Variants in PRKAG2 observed in about 807,000 individuals in gnomAD.
PRKAG2 encodes protein kinase AMP-activated non-catalytic subunit gamma 2.
In PRKAG2, 26 loss-of-function variants were observed where a neutral mutation model predicts 69.6. The ratio of observed to expected loss-of-function variants is 0.37; its 90% CI spans 0.27 to 0.52. PRKAG2 has a LOEUF of 0.52. Among genes scored for constraint, PRKAG2 ranks in the 20% least tolerant of loss-of-function variants. PRKAG2 has a pLI of 0.90. For synonymous variants in PRKAG2, 293 were observed against 285.0 expected (o/e 1.03, Z -0.28); for missense variants, 557 against 740.0 (o/e 0.75, Z 2.87).
intron 1 of PRKAG2, among the ~76,000 whole-genome samples, chr7:151,787,242 A>G (rs1407575396): frequency 6.6e-6 from 1 of 152,130 alleles, no homozygotes; most frequent in African/African-American, 2.4e-5. Context: ...TGCCATCTCA[A>G]CCATTTTAAG....
At chr7:151,804,791 T>C (rs1258168856) in intron 1 of PRKAG2, among the ~76,000 whole-genome samples, 1 of 152,158 alleles carries the variant, frequency 6.6e-6, no homozygotes, top group Non-Finnish European at 1.5e-5. Context: ...GAACTGCTTC[T>C]CAAACTGCAC....
At chr7:151,804,933 G>A (rs986908924) in intron 1 of PRKAG2, among the ~76,000 whole-genome samples, 3 of 152,296 alleles carry the variant, frequency 2.0e-5, no homozygotes, top group East Asian at 1.9e-4. Flanking sequence ...GAAGTTCCTC[G>A]CCGTGGCTCA....
chr7:151,873,725 C>A (rs1165739107), intron 1 of PRKAG2, among the ~76,000 whole-genome samples: 8 of 152,220 alleles, frequency 5.3e-5, no homozygotes, highest in Non-Finnish European at 1.2e-4. Flanking sequence ...AGGACCCCAA[C>A]TATAACATGG....
chr7:151,622,002 T>C (rs2151277723), intron 5 of PRKAG2, among the ~76,000 whole-genome samples: 1 of 152,366 alleles, frequency 6.6e-6, no homozygotes, highest in South Asian at 2.1e-4. Context: ...TTATCCACTT[T>C]ACTGACTTAT....
At chr7:151,820,443 C>T (rs558152093) in intron 1 of PRKAG2, among the ~76,000 whole-genome samples, 2 of 127,568 alleles carry the variant, frequency 1.6e-5, no homozygotes, top group East Asian at 2.2e-4. Context: ...AACACCGCTC[C>T]GTGGCCTGGC....
chr7:151,820,396 C>T (rs12703161), intron 1 of PRKAG2, among the ~76,000 whole-genome samples: 6,189 of 71,628 alleles, frequency 0.086, 1,295 homozygotes, highest in African/African-American at 0.13. Flanking sequence ...GCTTGGGGCC[C>T]GGCCCCTGTG....
chr7:151,712,509 T>C (rs1795490964), intron 3 of PRKAG2, among the ~76,000 whole-genome samples: 1 of 152,176 alleles, frequency 6.6e-6, no homozygotes, highest in South Asian at 2.1e-4. Flanking sequence ...CCTCCACTGA[T>C]GTAACAAAAC....
chr7:151,816,303 G>A (rs1183336883), intron 1 of PRKAG2, among the ~76,000 whole-genome samples: 1 of 152,162 alleles, frequency 6.6e-6, no homozygotes, highest in Non-Finnish European at 1.5e-5. Flanking sequence ...GCCTACCTGA[G>A]CAGGCCATTT....
intron 4 of PRKAG2, among the ~76,000 whole-genome samples, chr7:151,658,196 A>AATAAATAAATAAATAT (rs60693509): frequency 7.7e-5 from 11 of 142,380 alleles, no homozygotes; most frequent in African/African-American, 2.6e-4. Context: ...TAAATAAATA[A>AATAAATAAATAAATAT]GAATAATAGG....
In PRKAG2 at chr7:151,783,501, A is replaced by AT. The variant is rs11341123; in HGVS notation, c.187-2071dup. On this transcript the variant is annotated intron_variant, in intron 2 of 15. Coordinates refer to ENST00000287878, the MANE Select transcript of PRKAG2 (RefSeq NM_016203.4). ...GATTACAGTTGTCCATGCCCAGCTG[A>AT]TTTTTTTTTTTTGACCATTTAATAT... is the stretch of plus-strand genomic sequence containing the variant. 9.6e-3 allele frequency among the ~76,000 whole-genome samples: 1,438 copies of AT among 149,060 alleles called. 8 individuals carry two copies. Among genetic ancestry groups the AT allele is most frequent in the Non-Finnish European group, 0.01 (701 of 67,166 alleles).
intron 3 of PRKAG2, among the ~76,000 whole-genome samples, chr7:151,750,942 A>C (rs932344642): frequency 3.3e-5 from 5 of 152,152 alleles, no homozygotes; most frequent in Non-Finnish European, 7.3e-5. Context: ...CCACAAAAAA[A>C]GTTAAACCTA....
chr7:151,686,790 T>G (rs1002497100), intron 3 of PRKAG2, among the ~76,000 whole-genome samples: 7 of 152,228 alleles, frequency 4.6e-5, no homozygotes, highest in African/African-American at 1.7e-4. Context: ...GAGTAAGGTT[T>G]CAGGCTGCAG....
rs1296550940 is a variant in PRKAG2, at chr7:151,781,119, C to A, written c.466+33G>T. 6.2e-7 allele frequency: 1 copy of A among 1,612,806 alleles called. No individual in the cohort carries two copies. The highest frequency in any genetic ancestry group is 1.7e-5 in the Admixed American group (1 of 60,018). ...GCAGAAGAGACCCCCAGCACCCCAG[C>A]ACCCACCTGAAACAATAGCATCAAG... On this transcript the variant is annotated intron_variant, in intron 3 of 15. Transcript: ENST00000287878. The surrounding 1 kb of genome is among the most constrained non-coding windows in gnomAD (Gnocchi z 6.1).
At chr7:151,613,017 G>A (rs1375496394) in intron 5 of PRKAG2, among the ~76,000 whole-genome samples, 1 of 152,118 alleles carries the variant, frequency 6.6e-6, no homozygotes, top group Non-Finnish European at 1.5e-5. Context: ...CCCAGAATAC[G>A]GGAGCCCAGC....
chr7:151,786,777 C>T (rs898518275), intron 1 of PRKAG2, among the ~76,000 whole-genome samples: 3 of 152,178 alleles, frequency 2.0e-5, no homozygotes, highest in Non-Finnish European at 4.4e-5. Flanking sequence ...CTCCCAACAC[C>T]CCAGGGAAGG....
At chr7:151,730,332 G>C (rs1041630571) in intron 3 of PRKAG2, among the ~76,000 whole-genome samples, 3 of 152,166 alleles carry the variant, frequency 2.0e-5, no homozygotes, top group Non-Finnish European at 4.4e-5. Context: ...AACCCTGGAA[G>C]ACAGATGCTG....
At chr7:151,669,277 C>T (rs756102397) in intron 4 of PRKAG2, among the ~76,000 whole-genome samples, 3 of 152,208 alleles carry the variant, frequency 2.0e-5, no homozygotes, top group Non-Finnish European at 4.4e-5. Flanking sequence ...GAGATCACCA[C>T]TTCTTTATCC....
chr7:151,676,666 G>A (rs1338655691), intron 3 of PRKAG2, among the ~76,000 whole-genome samples: 2 of 152,210 alleles, frequency 1.3e-5, no homozygotes, highest in Non-Finnish European at 2.9e-5. Flanking sequence ...AGCTGGAGAT[G>A]CAGAGGCTCG....
chr7:151,597,829 C>CCT (rs1815001427), intron 5 of PRKAG2, among the ~76,000 whole-genome samples: 1 of 150,046 alleles, frequency 6.7e-6, no homozygotes, highest in Non-Finnish European at 1.5e-5. Context: ...AGCCCCCCCC[C>CCT]CCGCTCTTTT....
Sources: gnomAD v4.1 joint callset for allele counts (sites outside exome capture counted in the v4.1 genomes callset) on GRCh38, gnomAD v4.1.1 for gene constraint, Gnocchi (gnomAD v3.1) non-coding constraint, MANE v1.5 for transcripts, NCBI Gene and HGNC (gene_info 2026-07-23, HGNC 2026-07-21) for gene names.